Variants in LTBP2 observed in about 807,000 individuals in gnomAD.
The protein encoded by LTBP2 is latent transforming growth factor beta binding protein 2, also known as latent-transforming growth factor beta-binding protein 2.
A neutral mutation model predicts 210.6 loss-of-function variants in LTBP2; 103 were observed. The ratio of observed to expected loss-of-function variants is 0.49; its 90% confidence interval spans 0.42 to 0.58. The LOEUF (loss-of-function observed/expected upper bound fraction) is 0.58, where lower values mean the gene tolerates loss of function less well. Among genes scored for constraint, LTBP2 ranks in the 20% least tolerant of loss-of-function variants. The pLI is 0.00. For missense variants in LTBP2, 2,313 were observed against 2,494.5 expected, an observed-to-expected ratio of 0.93 and a Z score of 1.55; for synonymous variants, 1,007 against 1,015.0, an observed-to-expected ratio of 0.99 and a Z score of 0.15.
At chr14:74,597,005 T>C (rs1309104629) in intron 2 of LTBP2, among the ~76,000 whole-genome samples, 1 of 152,190 alleles carries the variant, frequency 6.6e-6, no homozygotes, top group Non-Finnish European at 1.5e-5. Flanking sequence ...GGCCCGGAGA[T>C]GATGTTTACA....
intron 9 of LTBP2, among the ~76,000 whole-genome samples, chr14:74,533,005 A>C (rs2087372445): frequency 6.6e-6 from 1 of 152,004 alleles, no homozygotes; most frequent in Non-Finnish European, 1.5e-5. Context: ...ACATCCAGCT[A>C]ATTTTTGTAC....
intron 2 of LTBP2, among the ~76,000 whole-genome samples, chr14:74,597,169 G>T (rs1387229992): frequency 1.3e-5 from 2 of 152,206 alleles, no homozygotes; most frequent in Admixed American, 6.5e-5. Context: ...ACACCATGAG[G>T]GTTTGAAGGA....
In LTBP2 at chr14:74,535,668, T is replaced by C. The variant is rs113036603; in HGVS notation, c.1864+258A>G. On this transcript the variant is annotated intron_variant, in intron 9 of 35. Coordinates refer to ENST00000261978, the MANE Select transcript of LTBP2 (RefSeq NM_000428.3). ...ACAGCCCCACATAGCCTAGAGCCCCTAGCCTGTGTTCCAGGTGGGTGTGGG... is the reference window on the plus strand; with the variant it reads ...ACAGCCCCACATAGCCTAGAGCCCCCAGCCTGTGTTCCAGGTGGGTGTGGG... Among the ~76,000 whole-genome samples, 191 of 152,240 alleles carry C rather than the reference T, an allele frequency of 1.3e-3. 1 individual carries two copies. The highest frequency in any genetic ancestry group is 4.4e-3 in the African/African-American group (182 of 41,546).
Position 74,500,563 on chromosome 14 carries a change from T to C in LTBP2, c.*321A>G. 1 of 486,098 alleles carries C rather than the reference T, an allele frequency of 2.1e-6. No individual in the cohort carries two copies. The highest frequency in any genetic ancestry group is 3.8e-6 in the Non-Finnish European group (1 of 262,462). 30.1% of individuals were successfully genotyped at this position (486,098 alleles called of 1,614,324 possible). On this transcript the variant is annotated 3_prime_UTR_variant, in exon 36 of 36. Coordinates refer to ENST00000261978, the MANE Select transcript of LTBP2 (RefSeq NM_000428.3). Reference sequence around the variant, plus strand: ...CAGTGTGAGGCCATGGGGCCTTGCATGCTCGCACAGCTTGGGAGGGTGGAT... The same window carrying C: ...CAGTGTGAGGCCATGGGGCCTTGCACGCTCGCACAGCTTGGGAGGGTGGAT...
chr14:74,541,283 T>C (rs529922867), intron 8 of LTBP2, among the ~76,000 whole-genome samples: 1 of 152,282 alleles, frequency 6.6e-6, no homozygotes. Context: ...CTGTTATGTC[T>C]CTGGTGCCAA....
rs371191837 is a variant in LTBP2, at chr14:74,551,214, C to G, written c.1536G>C (p.Pro512=). The G allele has an allele frequency of 1.2e-6, 2 of 1,613,328 alleles. No homozygotes were observed. The highest frequency in any genetic ancestry group is 4.5e-5 in the East Asian group (2 of 44,854). The part of the protein sequence containing the change: ...LVENSVETRP[P]PWLPASPGHS... ...GGCCAGGGCTGGCAGGCAGCCAGGG[C>G]GGGGGTCTGGTCTCCACGCTGTTCT... The change falls in exon 7 of 36, where the codon CCG becomes CCC. Residue 512 remains proline (P), a synonymous_variant. Coordinates refer to ENST00000261978, the MANE Select transcript of LTBP2 (RefSeq NM_000428.3).
At position 74,612,221 on chromosome 14, in the gene LTBP2, G is replaced by T. The variant is rs1278834371; in HGVS notation, c.-277C>A. ...CCTGCAGCCGTCTGAAGGGGACCCGGACGGTTTTATTTTTGGAAACCTCCC... is the reference window on the plus strand; with the variant it reads ...CCTGCAGCCGTCTGAAGGGGACCCGTACGGTTTTATTTTTGGAAACCTCCC... On this transcript the variant is annotated 5_prime_UTR_variant, in exon 1 of 36. Transcript: ENST00000261978. The T allele has an allele frequency of 4.5e-6, 2 of 444,030 alleles. No individual in the cohort carries two copies. The highest frequency in any genetic ancestry group is 2.1e-5 in the African/African-American group (1 of 48,484). The allele number at this position is 444,030 out of a possible 1,614,324, so 27.5% of individuals were successfully genotyped here.
chr14:74,501,860 C>T (rs1055948883), intron 34 of LTBP2: 1 of 529,614 alleles, frequency 1.9e-6, no homozygotes, highest in African/African-American at 1.9e-5. Flanking sequence ...TCCACAATGC[C>T]CGGCTCCTGC....
chr14:74,609,940 A>G (rs977463501), intron 1 of LTBP2, among the ~76,000 whole-genome samples: 1 of 152,252 alleles, frequency 6.6e-6, no homozygotes, highest in Admixed American at 6.5e-5. Context: ...GCTGAAACAC[A>G]GCAGGTGCTT....
At chr14:74,604,083 C>T (rs771606606) in intron 1 of LTBP2, among the ~76,000 whole-genome samples, 9 of 146,860 alleles carry the variant, frequency 6.1e-5, no homozygotes, top group Admixed American at 1.4e-4. Flanking sequence ...CAATTCCACA[C>T]AGCAGGTAAG....
intron 13 of LTBP2, 96 bp downstream of exon 13, chr14:74,527,251 C>A: frequency 7.0e-7 from 1 of 1,429,570 alleles, no homozygotes; most frequent in South Asian, 1.2e-5. Flanking sequence ...TTCTCCCTCT[C>A]CCTCCCTCAT....
intron 21 of LTBP2, 104 bp downstream of exon 21, chr14:74,509,630 G>A: frequency 6.6e-7 from 1 of 1,526,052 alleles, no homozygotes. Context: ...GCCTAGCCTG[G>A]AGCCCCTCGG....
At chr14:74,509,954 G>A in intron 20 of LTBP2, 95 bp from the exon 21 acceptor site, 1 of 1,609,894 alleles carries the variant, frequency 6.2e-7, no homozygotes, top group Non-Finnish European at 8.5e-7. Context: ...ACAGGTCTGG[G>A]CAGGGATGTG....
Position 74,516,875 on chromosome 14 carries a change from T to A in LTBP2, c.2855A>T (p.Tyr952Phe). ...GGQCTNTEGS[Y>F]HCECDQGYIM... The stretch of plus-strand genomic sequence containing the variant: ...GTAGCCCTGATCACACTCGCAGTGG[T>A]ACGAGCCCTCGGTGTTGGTGCACTG... The change falls in exon 18 of 36, where the codon TAC (tyrosine) becomes TTC (phenylalanine). Residue 952 changes from tyrosine to phenylalanine, a missense_variant. Coordinates refer to ENST00000261978, the MANE Select transcript of LTBP2 (RefSeq NM_000428.3). The A allele has an allele frequency of 6.4e-7, 1 of 1,551,960 alleles. No homozygotes were observed. Among genetic ancestry groups the A allele is most frequent in the Non-Finnish European group, 8.7e-7 (1 of 1,147,102 alleles).
chr14:74,607,110 G>A (rs1236636871), intron 1 of LTBP2, among the ~76,000 whole-genome samples: 2 of 152,188 alleles, frequency 1.3e-5, no homozygotes, highest in Admixed American at 6.5e-5. Flanking sequence ...ACTGAGGGTA[G>A]GAAAGGCATT....
intron 2 of LTBP2, among the ~76,000 whole-genome samples, chr14:74,593,213 C>T (rs1306597555): frequency 6.6e-6 from 1 of 152,176 alleles, no homozygotes; most frequent in Non-Finnish European, 1.5e-5. Context: ...TGGGAAGGGA[C>T]CAAACTCAGA....
Position 74,499,653 on chromosome 14 carries a change from G to A in LTBP2, c.*1231C>T, listed in dbSNP as rs1232410843. 4.4e-6 allele frequency: 1 copy of A among 226,480 alleles called. No homozygotes were observed. The highest frequency in any genetic ancestry group is 8.8e-6 in the Non-Finnish European group (1 of 113,956). 14.0% of individuals were successfully genotyped at this position (226,480 alleles called of 1,614,324 possible). A position where few individuals can be genotyped will look rare whatever the true frequency, so the allele number is the denominator to read the frequency against. On this transcript the variant is annotated 3_prime_UTR_variant, in exon 36 of 36. Transcript: ENST00000261978. ...CATTGGAACCCATCATAGGCTATCAGCAGAGCTGGCCAGGGAGTAGGCACA... is the reference window on the plus strand; with the variant it reads ...CATTGGAACCCATCATAGGCTATCAACAGAGCTGGCCAGGGAGTAGGCACA...
At chr14:74,523,237 C>A (rs1206134034) in intron 15 of LTBP2, among the ~76,000 whole-genome samples, 1 of 152,136 alleles carries the variant, frequency 6.6e-6, no homozygotes, top group Non-Finnish European at 1.5e-5. Context: ...ATGGGCCTGA[C>A]TCCTACCCAG....
rs2139788856 is a variant in LTBP2 at position 74,586,493 on chromosome 14, CT to C, written c.566-376del. Among the ~76,000 whole-genome samples, 1 of 152,304 alleles carries C rather than the reference CT, an allele frequency of 6.6e-6. No individual in the cohort carries two copies. The highest frequency in any genetic ancestry group is 1.5e-5 in the Non-Finnish European group (1 of 68,028). On this transcript the variant is annotated intron_variant, in intron 2 of 35. Transcript: ENST00000261978. The surrounding 1 kb of genome is among the most constrained non-coding windows in gnomAD (Gnocchi z 4.6). ...ACAGACAGCGGCCCCGGAACTTTGA[CT>C]AGGGATTGCCACAGAGTAGATTCTC...
Sources: gnomAD v4.1 joint callset for allele counts (sites outside exome capture counted in the v4.1 genomes callset) on GRCh38, gnomAD v4.1.1 for gene constraint, Gnocchi (gnomAD v3.1) non-coding constraint, MANE v1.5 for transcripts, NCBI Gene and HGNC (gene_info 2026-07-23, HGNC 2026-07-21) for gene names.